CAPN3: variants seen among roughly 807,000 people sequenced by gnomAD.
CAPN3 encodes the protein calpain-3.
In CAPN3, 88 loss-of-function variants were observed where a neutral mutation model predicts 114.0. The observed-to-expected ratio is 0.77, with a 90% CI of 0.65 to 0.92. The LOEUF is 0.92. Among genes scored for constraint, CAPN3 ranks in the 40% least tolerant of loss-of-function variants. CAPN3 has a pLI of 0.00. For missense variants in CAPN3, 1,028 were observed against 1,069.0 expected (o/e 0.96, Z 0.53); for synonymous variants, 386 against 382.9 (o/e 1.01, Z -0.09).
chr15:42,376,300 T>C (rs4924674), intron 1 of CAPN3, among the ~76,000 whole-genome samples: 35,272 of 152,210 alleles, frequency 0.23, 5,355 homozygotes, highest in African/African-American at 0.42. Context: ...AATTGTGCTC[T>C]GCCCTCTTGA....
intron 21 of CAPN3, 82 bp from the exon 22 acceptor site, chr15:42,410,802 A>G (rs920352476): frequency 7.9e-6 from 11 of 1,384,176 alleles, no homozygotes; most frequent in Non-Finnish European, 1.1e-5. Context: ...CAGGTCACAG[A>G]GTGGCCGAGA....
intron 4 of CAPN3, among the ~76,000 whole-genome samples, chr15:42,388,315 AT>A (rs1015456232): frequency 1.8e-4 from 27 of 152,026 alleles, no homozygotes; most frequent in Non-Finnish European, 3.2e-4. Context: ...GATTTTTTAA[AT>A]TTTTTTGAAA....
chr15:42,386,074 T>C, intron 2 of CAPN3, 93 bp from the exon 3 acceptor site: 1 of 881,010 alleles, frequency 1.1e-6, no homozygotes. Flanking sequence ...GGAGTCCCCG[T>C]TCAGGGAAGT....
At position 42,411,894 on chromosome 15, in the gene CAPN3, C is replaced by CTCA; in HGVS notation, c.*125_*127dup. ...TACACCCCTACAGGCTTCCAGGCACCTCATCAGTCATGCTCCTCCTCCATT... is the reference window on the plus strand; with the variant it reads ...TACACCCCTACAGGCTTCCAGGCACCTCATCATCAGTCATGCTCCTCCTCCATT... On this transcript the variant is annotated 3_prime_UTR_variant, in exon 24 of 24. Transcript: ENST00000397163. 1.3e-6 allele frequency: 2 copies of CTCA among 1,586,896 alleles called. No homozygotes were observed. Among genetic ancestry groups the CTCA allele is most frequent in the African/African-American group, 1.3e-5 (1 of 74,542 alleles).
chr15:42,412,039 G>T lies in CAPN3; in HGVS notation c.*266G>T. On this transcript the variant is annotated 3_prime_UTR_variant, in exon 24 of 24. Coordinates refer to ENST00000397163, the MANE Select transcript of CAPN3 (RefSeq NM_000070.3). Reference sequence around the variant, plus strand: ...GGAGGAAAGTGCCTGCCTCTGGTCCGAGCCGCCTCGGTTCTGAAGCGAGTG... The same window carrying T: ...GGAGGAAAGTGCCTGCCTCTGGTCCTAGCCGCCTCGGTTCTGAAGCGAGTG... 6.6e-7 allele frequency: 1 copy of T among 1,518,316 alleles called. No homozygotes were observed. Among genetic ancestry groups the T allele is most frequent in the South Asian group, 1.2e-5 (1 of 80,984 alleles). The allele number at this position is 1,518,316 out of a possible 1,614,324, so 94.1% of individuals were successfully genotyped here. A position where few individuals can be genotyped will look rare whatever the true frequency, so the allele number is the denominator to read the frequency against.
In CAPN3 at chr15:42,359,623, G is replaced by T; in HGVS notation, c.-183G>T. 4 of 1,437,018 alleles carry T rather than the reference G, an allele frequency of 2.8e-6. No homozygotes were observed. Among genetic ancestry groups the T allele is most frequent in the Non-Finnish European group, 3.6e-6 (4 of 1,099,884 alleles). 89.0% of individuals were successfully genotyped at this position (1,437,018 alleles called of 1,614,324 possible). On this transcript the variant is annotated 5_prime_UTR_variant, in exon 1 of 24. Coordinates refer to ENST00000397163, the MANE Select transcript of CAPN3 (RefSeq NM_000070.3). ...ACTTATGGCTTCAGAATCACAGCTC[G>T]GTTTTTAAGATGGACATAACCTGTA...
intron 15 of CAPN3, among the ~76,000 whole-genome samples, chr15:42,406,578 T>C (rs2141212192): frequency 6.6e-6 from 1 of 151,954 alleles, no homozygotes; most frequent in East Asian, 1.9e-4. Context: ...ACAGGTGAGA[T>C]AGACTCAAAG....
At chr15:42,399,788 G>C in intron 10 of CAPN3, 136 bp downstream of exon 10, 1 of 789,438 alleles carries the variant, frequency 1.3e-6, no homozygotes, top group Admixed American at 3.0e-5. Context: ...TACTGAGAAG[G>C]AAACCACCAT....
intron 15 of CAPN3, among the ~76,000 whole-genome samples, chr15:42,406,748 G>T (rs989300271): frequency 1.2e-4 from 18 of 152,142 alleles, no homozygotes; most frequent in African/African-American, 4.3e-4. Flanking sequence ...GGGCCTGCCA[G>T]TGTGTGCCTG....
intron 10 of CAPN3, among the ~76,000 whole-genome samples, chr15:42,400,229 G>A (rs985455307): frequency 1.3e-5 from 2 of 152,174 alleles, no homozygotes; most frequent in African/African-American, 4.8e-5. Flanking sequence ...TGAGTACTGT[G>A]TCAGTAACAG....
At position 42,412,127 on chromosome 15, in the gene CAPN3, T is replaced by A. The variant is rs2054278024; in HGVS notation, c.*354T>A. The A allele has an allele frequency of 1.3e-6, 2 of 1,535,962 alleles. No homozygotes were observed. The highest frequency in any genetic ancestry group is 1.7e-6 in the Non-Finnish European group (2 of 1,146,860). On this transcript the variant is annotated 3_prime_UTR_variant, in exon 24 of 24. Coordinates refer to ENST00000397163, the MANE Select transcript of CAPN3 (RefSeq NM_000070.3). ...CCTGCCGGTGGCACTCAGCACCTCCTTGTGCTAGAGCCCTCCATCACCTTC... is the reference window on the plus strand; with the variant it reads ...CCTGCCGGTGGCACTCAGCACCTCCATGTGCTAGAGCCCTCCATCACCTTC...
rs781619293 is a variant in CAPN3 at position 42,410,448 on chromosome 15, C to G, written c.2136C>G (p.Leu712=). The G allele has an allele frequency of 1.2e-6, 2 of 1,614,006 alleles. No homozygotes were observed. Among genetic ancestry groups the G allele is most frequent in the Admixed American group, 3.3e-5 (2 of 60,000 alleles). Residue 712 remains leucine (L), a synonymous_variant, in exon 20 of 24, where the codon CTC becomes CTG. Transcript: ENST00000397163. The part of the protein sequence containing the change: ...ALMDTDGSGK[L]NLQEFHHLWN... ...TCCAGACAGATGGCTCTGGAAAGCTCAACCTGCAGGAGTTCCACCACCTCT... is the reference window on the plus strand; with the variant it reads ...TCCAGACAGATGGCTCTGGAAAGCTGAACCTGCAGGAGTTCCACCACCTCT...
chr15:42,402,467 A>G (rs2053900277), intron 12 of CAPN3: 37 of 1,426,066 alleles, frequency 2.6e-5, no homozygotes, highest in Non-Finnish European at 3.4e-5. Flanking sequence ...GGATGGAGGA[A>G]TCACTTCCCT....
At chr15:42,365,913 A>T (rs1269340408) in intron 1 of CAPN3, among the ~76,000 whole-genome samples, 1 of 152,178 alleles carries the variant, frequency 6.6e-6, no homozygotes, top group Non-Finnish European at 1.5e-5. Context: ...GTATTCTGGT[A>T]CACAGAAATC....
At chr15:42,387,263 T>C (rs1368876008) in intron 3 of CAPN3, among the ~76,000 whole-genome samples, 2 of 152,242 alleles carry the variant, frequency 1.3e-5, no homozygotes, top group Non-Finnish European at 2.9e-5. Flanking sequence ...ATGTTCCTGC[T>C]ACAGCTAGAA....
intron 10 of CAPN3, among the ~76,000 whole-genome samples, chr15:42,400,311 C>T (rs566316042): frequency 6.6e-6 from 1 of 152,058 alleles, no homozygotes; most frequent in Non-Finnish European, 1.5e-5. Flanking sequence ...AAAACCTAGA[C>T]CAAGTCAGTA....
intron 1 of CAPN3, among the ~76,000 whole-genome samples, chr15:42,369,797 A>C (rs900105435): frequency 1.3e-5 from 2 of 152,118 alleles, no homozygotes; most frequent in African/African-American, 4.8e-5. Context: ...GAAAGGGCAT[A>C]AGATTGAGAG....
At chr15:42,405,201 G>T (rs1372732346) in intron 14 of CAPN3, among the ~76,000 whole-genome samples, 1 of 152,178 alleles carries the variant, frequency 6.6e-6, no homozygotes, top group Non-Finnish European at 1.5e-5. Context: ...TTAAATGCTT[G>T]CTCAAAAATT....
rs2053484157 is a variant in CAPN3, at chr15:42,389,054, G to A, written c.759G>A (p.Lys253=). ...CTAGTGACATGTACAAGATCATGAA[G>A]AAAGCCATCGAGAGAGGCTCCCTCA... The part of the protein sequence containing the change: ...DAPSDMYKIM[K]KAIERGSLMG... Residue 253 remains lysine, a synonymous_variant, in exon 5 of 24, where the codon AAG becomes AAA. Transcript: ENST00000397163. The A allele has an allele frequency of 6.2e-7, 1 of 1,614,038 alleles. No individual in the cohort carries two copies. The highest frequency in any genetic ancestry group is 8.5e-7 in the Non-Finnish European group (1 of 1,180,026).
Sources: gnomAD v4.1 joint callset for allele counts (sites outside exome capture counted in the v4.1 genomes callset) on GRCh38, gnomAD v4.1.1 for gene constraint, MANE v1.5 for transcripts, NCBI Gene and HGNC (gene_info 2026-07-23, HGNC 2026-07-21) for gene names.